Variants in SCML2 observed in about 807,000 individuals in gnomAD.
SCML2 encodes the protein Scm polycomb group protein like 2.
In SCML2, 6 loss-of-function variants were observed where a neutral mutation model predicts 48.4. That is an observed-to-expected ratio of 0.12 (90% CI 0.07 to 0.24). The LOEUF is 0.24. SCML2 is among the 10% of genes least tolerant of loss of function. SCML2 has a pLI of 1.00. For missense variants in SCML2, 377 were observed against 528.2 expected, an observed-to-expected ratio of 0.71 and a Z score of 2.81; for synonymous variants, 181 against 189.5, an observed-to-expected ratio of 0.95 and a Z score of 0.37.
chrX:18,329,800 G>A (rs1404812571), intron 3 of SCML2, among the ~76,000 whole-genome samples: 2 of 112,494 alleles, frequency 1.8e-5, no homozygotes, highest in South Asian at 3.7e-4. Flanking sequence ...AAAAAGAGCC[G>A]GGCACAGTGG....
intron 7 of SCML2, among the ~76,000 whole-genome samples, chrX:18,289,918 A>G (rs1317148168): frequency 9.0e-6 from 1 of 111,517 alleles, no homozygotes; most frequent in Non-Finnish European, 1.9e-5. Flanking sequence ...TGCTGAACAA[A>G]AAAATTCCCA....
rs767544264 is a variant in SCML2, at chrX:18,332,767, G to C, written c.22+1283C>G. Among the ~76,000 whole-genome samples, 12 of 110,270 alleles carry C rather than the reference G, an allele frequency of 1.1e-4. No individual in the cohort carries two copies. In the East Asian group the frequency reaches 2.9e-3, roughly 26 times the overall value. On this transcript the variant is annotated intron_variant, in intron 2 of 14. Transcript: ENST00000251900. ...AGGAGGGAGGATCACTTGAGGCCAG[G>C]AGTTTGAGGCCAACCTGAGCAACAC...
chrX:18,289,643 A>T (rs1928166155), intron 7 of SCML2, among the ~76,000 whole-genome samples: 1 of 112,362 alleles, frequency 8.9e-6, no homozygotes. Context: ...ACTGTTACAC[A>T]GAAAAATAAA....
At chrX:18,343,166 C>T (rs1176762840) in intron 1 of SCML2, among the ~76,000 whole-genome samples, 3 of 107,010 alleles carry the variant, frequency 2.8e-5, no homozygotes, top group African/African-American at 1.0e-4. Context: ...GTGTGCCCCA[C>T]CTCCCTTTTT....
chrX:18,264,955 A>AT (rs1372837937), intron 8 of SCML2, among the ~76,000 whole-genome samples: 1 of 111,147 alleles, frequency 9.0e-6, no homozygotes, highest in East Asian at 2.8e-4. Context: ...TGGCTTTTCT[A>AT]TTTTCTGGTT....
At chrX:18,336,437 C>CA (rs1287373579) in intron 1 of SCML2, among the ~76,000 whole-genome samples, 999 of 50,065 alleles carry the variant, frequency 0.02, 10 homozygotes, top group Middle Eastern at 0.06. Flanking sequence ...GACTCGGTCT[C>CA]AAAAAAAAAA....
intron 11 of SCML2, among the ~76,000 whole-genome samples, chrX:18,254,855 C>T (rs1031502241): frequency 9.0e-6 from 1 of 111,158 alleles, no homozygotes; most frequent in Non-Finnish European, 1.9e-5. Context: ...ACCCAGGAGG[C>T]GGAGGTTGCA....
At position 18,320,342 on chromosome X, in the gene SCML2, A is replaced by G; in HGVS notation, c.476T>C (p.Leu159Ser). 8.8e-7 allele frequency: 1 copy of G among 1,132,857 alleles called. No homozygotes were observed. Among genetic ancestry groups the G allele is most frequent in the Non-Finnish European group, 1.2e-6 (1 of 840,092 alleles). 93.4% of individuals were successfully genotyped at this position (1,132,857 alleles called of 1,213,427 possible). A position where few individuals can be genotyped will look rare whatever the true frequency, so the allele number is the denominator to read the frequency against. The stretch of plus-strand genomic sequence containing the variant: ...TAACATCTTTCTTACCTTCTTAAAT[A>G]ATGTGGCAGATGCCATTTCAGACCC... Reference protein sequence around the residue: ...LNGSEMASATLFKKEPPKPPL... With the variant: ...LNGSEMASATSFKKEPPKPPL... Residue 159 changes from leucine to serine, a missense_variant, in exon 6 of 15, where the codon TTA becomes TCA. This residue lies in a region of SCML2 where 299 missense variants were observed against 425.5 expected (regional missense o/e 0.70). Transcript: ENST00000251900.
intron 13 of SCML2, among the ~76,000 whole-genome samples, 170 bp from the exon 14 acceptor site, chrX:18,242,760 GC>G (rs1926311489): frequency 9.0e-6 from 1 of 111,654 alleles, no homozygotes; most frequent in Non-Finnish European, 1.9e-5. Flanking sequence ...TGTGAGGATG[GC>G]TACATAAGAG....
rs1363914629 is a variant in SCML2, at chrX:18,324,005, G to A, written c.251C>T (p.Thr84Met). The A allele has an allele frequency of 8.3e-7, 1 of 1,208,099 alleles. No homozygotes were observed. The highest frequency in any genetic ancestry group is 1.1e-6 in the Non-Finnish European group (1 of 894,201). ...CCTGGCCCCAGTAATTCCAATAACC[G>A]TAGCAATACATACTGAAGTGGCATT... ...PRNATSVCIA[T>M]VIGITGARLR... Residue 84 changes from threonine (T) to methionine (M), a missense_variant, in exon 5 of 15, where the codon ACG becomes ATG. Coordinates refer to ENST00000251900, the MANE Select transcript of SCML2 (RefSeq NM_006089.3).
chrX:18,338,725 C>A (rs1929916990), intron 1 of SCML2, among the ~76,000 whole-genome samples: 1 of 108,009 alleles, frequency 9.3e-6, no homozygotes, highest in Non-Finnish European at 1.9e-5. Flanking sequence ...CCAGCCTGGG[C>A]AACATGGCAA....
chrX:18,247,505 A>G (rs1046483111), intron 12 of SCML2, among the ~76,000 whole-genome samples: 1 of 112,120 alleles, frequency 8.9e-6, no homozygotes, highest in Middle Eastern at 4.2e-3. Context: ...AGGTTTTTCT[A>G]TTCTTCTTTC....
At position 18,264,933 on chromosome X, in the gene SCML2, C is replaced by T. The variant is rs561749335; in HGVS notation, c.948+652G>A. On this transcript the variant is annotated intron_variant, in intron 8 of 14. Coordinates refer to ENST00000251900, the MANE Select transcript of SCML2 (RefSeq NM_006089.3). The stretch of plus-strand genomic sequence containing the variant: ...AAAATCCCTCCATTCCCTTTAACAG[C>T]CACAGTTTTCCTGGCTTTTCTATTT... 1.6e-4 allele frequency among the ~76,000 whole-genome samples: 18 copies of T among 111,842 alleles called. 1 individual carries two copies. The South Asian group carries it at 6.8e-3, about 42-fold the overall frequency.
intron 7 of SCML2, among the ~76,000 whole-genome samples, chrX:18,296,260 T>C (rs1451920408): frequency 5.5e-5 from 6 of 109,943 alleles, no homozygotes; most frequent in Non-Finnish European, 1.1e-4. Context: ...GAGAAATAGA[T>C]AGCATAAAAA....
chrX:18,349,756 C>T (rs999763751), intron 1 of SCML2, among the ~76,000 whole-genome samples: 25 of 111,247 alleles, frequency 2.2e-4, no homozygotes, highest in African/African-American at 8.2e-4. Flanking sequence ...AGGATTGTGC[C>T]ACTGCACTAC....
chrX:18,277,366 A>G (rs979910311), intron 7 of SCML2, among the ~76,000 whole-genome samples: 2 of 112,425 alleles, frequency 1.8e-5, no homozygotes, highest in Non-Finnish European at 3.8e-5. Context: ...CCACCATGCC[A>G]GGTCCAGGAA....
chrX:18,334,913 T>C (rs1929761062), intron 1 of SCML2, among the ~76,000 whole-genome samples: 2 of 112,011 alleles, frequency 1.8e-5, no homozygotes, highest in South Asian at 3.7e-4. Flanking sequence ...AGTAAACCTA[T>C]GAAGAATACA....
chrX:18,316,376 G>A (rs1387976674), intron 6 of SCML2, among the ~76,000 whole-genome samples: 1 of 111,728 alleles, frequency 9.0e-6, no homozygotes, highest in African/African-American at 3.3e-5. Flanking sequence ...GAGACAGAGT[G>A]AGACTCTGTC....
chrX:18,276,792 G>A (rs2147494145), intron 7 of SCML2, among the ~76,000 whole-genome samples: 1 of 111,504 alleles, frequency 9.0e-6, no homozygotes, highest in East Asian at 2.8e-4. Context: ...AATCCATAGA[G>A]ACAGAATATA....
Sources: allele counts gnomAD v4.1 joint callset (sites outside exome capture counted in the v4.1 genomes callset), GRCh38; gene constraint gnomAD v4.1.1; regional missense constraint gnomAD v4.1.1; transcripts MANE v1.5; gene names NCBI Gene and HGNC (gene_info 2026-07-23, HGNC 2026-07-21).